The following PSD variants were observed in gnomAD, a reference collection of about 807,000 sequenced individuals.
PSD encodes the protein pleckstrin and Sec7 domain containing, also known as PH and SEC7 domain-containing protein 1.
In PSD, 32 loss-of-function variants were observed where a neutral mutation model predicts 91.6. That is an observed-to-expected ratio of 0.35 (90% CI 0.26 to 0.47). The LOEUF (loss-of-function observed/expected upper bound fraction) is 0.47. Among genes scored for constraint, PSD ranks in the 20% least tolerant of loss-of-function variants. The pLI, the probability that PSD is intolerant of heterozygous loss-of-function variation, is 1.00. For synonymous variants in PSD, 532 were observed against 569.3 expected (o/e 0.93, Z 0.93); for missense variants, 1,099 against 1,373.9 (o/e 0.80, Z 3.16).
rs559509336 is a variant in PSD, at chr10:102,410,793, C to T, written c.2091+65G>A. On this transcript the variant is annotated intron_variant, in intron 10 of 16. Transcript: ENST00000020673. The surrounding 1 kb of genome is among the most constrained non-coding windows in gnomAD (Gnocchi z 6.0). Reference sequence around the variant, plus strand: ...GCCCTGCCCTCCCTCCGACTCTGGACTCCGTCGCCGACTGGGTCCTCCATC... The same window carrying T: ...GCCCTGCCCTCCCTCCGACTCTGGATTCCGTCGCCGACTGGGTCCTCCATC... 3.0e-3 allele frequency: 3,785 copies of T among 1,258,932 alleles called. 45 individuals carry two copies. Among genetic ancestry groups the T allele is most frequent in the South Asian group, 0.021 (1,730 of 83,754 alleles). The allele number at this position is 1,258,932 out of a possible 1,614,324, so 78.0% of individuals were successfully genotyped here. A position where few individuals can be genotyped will look rare whatever the true frequency, so the allele number is the denominator to read the frequency against.
In PSD at chr10:102,403,837, C is replaced by T. The variant is rs201389368; in HGVS notation, c.2844+5G>A. The T allele has an allele frequency of 4.3e-6, 7 of 1,610,342 alleles. No homozygotes were observed. The Admixed American group carries it at 1.2e-4, about 27-fold the overall frequency. On this transcript the variant is annotated splice_donor_5th_base_variant and intron_variant, in intron 16 of 16. Transcript: ENST00000020673. The surrounding 1 kb of genome is among the most constrained non-coding windows in gnomAD (Gnocchi z 6.7). The stretch of plus-strand genomic sequence containing the variant: ...GTGGACAGAGGGGCAGACAGGGAGG[C>T]TCACCTCAAACTCCAGGTAGGCCTC...
intron 7 of PSD, 110 bp downstream of exon 7, chr10:102,412,037 G>T (rs2061430489): frequency 8.1e-7 from 1 of 1,234,294 alleles, no homozygotes; most frequent in Non-Finnish European, 1.2e-6. Flanking sequence ...TCTTGGGAAG[G>T]GTGATGTCAG....
intron 11 of PSD, 125 bp downstream of exon 11, chr10:102,407,098 C>T: frequency 1.3e-6 from 1 of 784,698 alleles, no homozygotes; most frequent in East Asian, 3.3e-5. Context: ...AGCCTCACTG[C>T]CTCTCATGGC....
chr10:102,407,476 G>C (rs1347403541), intron 10 of PSD, among the ~76,000 whole-genome samples: 2 of 152,184 alleles, frequency 1.3e-5, no homozygotes, highest in African/African-American at 4.8e-5. Flanking sequence ...CCATGGAGAG[G>C]AACAAACGTA....
In PSD at chr10:102,416,936, G is replaced by A. The variant is rs760794147; in HGVS notation, c.103C>T (p.Pro35Ser). The A allele has an allele frequency of 3.7e-6, 6 of 1,604,466 alleles. No homozygotes were observed. In the Admixed American group the frequency reaches 8.4e-5, roughly 22 times the overall value. Residue 35 changes from proline (P) to serine (S), a missense_variant, in exon 2 of 17, where the codon CCC (proline) becomes TCC (serine). By Grantham distance (74) the Pro-to-Ser change is moderately conservative. Around this residue, in one of 3 missense-constraint regions of PSD, gnomAD observed 631 missense variants for 728.8 expected, o/e 0.87. Coordinates refer to ENST00000020673, the MANE Select transcript of PSD (RefSeq NM_002779.5). This position sits in a 1 kb window ranked among gnomAD's most constrained non-coding sequence, Gnocchi z 6.0. ...GTGCTGCCATACATGCTGGCTGGGG[G>A]GCTCTGGGGCACCGGGCCTTCGGGG... ...WLPEGPVPQSPPASMYGSTGS... is the reference protein window; with the variant it reads ...WLPEGPVPQSSPASMYGSTGS...
chr10:102,406,508 CTTTTTT>C (rs1192531225), intron 11 of PSD, among the ~76,000 whole-genome samples: 1 of 140,100 alleles, frequency 7.1e-6, no homozygotes, highest in African/African-American at 2.7e-5. Context: ...TTTCTTTTTT[CTTTTTT>C]TTTTTTTTTT....
Position 102,410,891 on chromosome 10 carries a change from A to T in PSD, c.2058T>A (p.Asn686Lys). The T allele has an allele frequency of 1.2e-6, 2 of 1,613,540 alleles. No homozygotes were observed. Among genetic ancestry groups the T allele is most frequent in the Non-Finnish European group, 8.5e-7 (1 of 1,179,762 alleles). The change falls in exon 10 of 17, where the codon AAT becomes AAA. Residue 686 changes from asparagine to lysine, a missense_variant. Coordinates refer to ENST00000020673, the MANE Select transcript of PSD (RefSeq NM_002779.5). This position sits in a 1 kb window ranked among gnomAD's most constrained non-coding sequence, Gnocchi z 6.0. Reference protein sequence around the residue: ...GDFIGNLEGLNDGGDFPRELL... With the variant: ...GDFIGNLEGLKDGGDFPRELL... Reference sequence around the variant, plus strand: ...GCTCCCTAGGGAAGTCGCCGCCATCATTGAGGCCCTCCAGGTTCCCGATGA... The same window carrying T: ...GCTCCCTAGGGAAGTCGCCGCCATCTTTGAGGCCCTCCAGGTTCCCGATGA...
Position 102,405,049 on chromosome 10 carries a change from ACTC to A in PSD, c.2401_2403del (p.Glu801del), listed in dbSNP as rs2061343869. ...TCTGAAAGGGCCTTCCCAGGCTTGTACTCCTCCTGCAGGGGTGTCCATCTTGTC... is the reference window on the plus strand; with the variant it reads ...TCTGAAAGGGCCTTCCCAGGCTTGTACTCCTGCAGGGGTGTCCATCTTGTC... On this transcript the variant is annotated inframe_deletion, in exon 14 of 17. Coordinates refer to ENST00000020673, the MANE Select transcript of PSD (RefSeq NM_002779.5). This position sits in a 1 kb window ranked among gnomAD's most constrained non-coding sequence, Gnocchi z 5.4. The A allele has an allele frequency of 3.1e-6, 5 of 1,613,050 alleles. No individual in the cohort carries two copies. Among genetic ancestry groups the A allele is most frequent in the Admixed American group, 1.7e-5 (1 of 59,940 alleles).
chr10:102,405,879 C>T lies in PSD; in HGVS notation c.2136-343G>A, dbSNP rs572459850. On this transcript the variant is annotated intron_variant, in intron 11 of 16. Transcript: ENST00000020673. The surrounding 1 kb of genome is among the most constrained non-coding windows in gnomAD (Gnocchi z 5.4). ...GGGCCTGCCTCCGCTGGCTCAACCA[C>T]ATCCAGCCCCAGGCTTTGCTCACGG... The T allele has an allele frequency of 2.1e-5, 5 of 238,526 alleles. No individual in the cohort carries two copies. The highest frequency in any genetic ancestry group is 3.3e-5 in the Non-Finnish European group (4 of 122,038). The allele number at this position is 238,526 out of a possible 1,614,324, so 14.8% of individuals were successfully genotyped here.
intron 8 of PSD, 73 bp from the exon 9 acceptor site, chr10:102,411,189 C>T (rs1262774474): frequency 6.9e-7 from 1 of 1,441,418 alleles, no homozygotes; most frequent in Non-Finnish European, 9.4e-7. Flanking sequence ...CCCAACCTCC[C>T]ATTTCATCCC....
chr10:102,406,577 G>A (rs1362053527), intron 11 of PSD, among the ~76,000 whole-genome samples: 5 of 149,336 alleles, frequency 3.3e-5, no homozygotes, highest in East Asian at 2.0e-4. Context: ...GCGGGATCTC[G>A]GCTCACTGCA....
At position 102,412,581 on chromosome 10, in the gene PSD, G is replaced by T; in HGVS notation, c.1554-6C>A. 6.2e-7 allele frequency: 1 copy of T among 1,606,080 alleles called. No homozygotes were observed. The highest frequency in any genetic ancestry group is 8.5e-7 in the Non-Finnish European group (1 of 1,175,056). ...GCTGGCTCAGGGGTGGTTCGCTGCC[G>T]GGGTAGAACACCAGCTCAGGCTGGG... is the stretch of plus-strand genomic sequence containing the variant. On this transcript the variant is annotated splice_region_variant and splice_polypyrimidine_tract_variant and intron_variant, in intron 5 of 16. Transcript: ENST00000020673.
At chr10:102,408,958 G>A in intron 10 of PSD, 1 of 985,742 alleles carries the variant, frequency 1.0e-6, no homozygotes, top group Non-Finnish European at 1.2e-6. Flanking sequence ...GCACGGGCTT[G>A]AGGCTGCGCG....
At chr10:102,412,070 G>A (rs1054973095) in intron 7 of PSD, 77 bp downstream of exon 7, 35 of 1,424,308 alleles carry the variant, frequency 2.5e-5, no homozygotes, top group Non-Finnish European at 3.3e-5. Context: ...GGGACAGAGG[G>A]GCTCAAAGGA....
chr10:102,405,580 G>C lies in PSD; in HGVS notation c.2136-44C>G, dbSNP rs780521383. On this transcript the variant is annotated intron_variant, in intron 11 of 16. Coordinates refer to ENST00000020673, the MANE Select transcript of PSD (RefSeq NM_002779.5). This position sits in a 1 kb window ranked among gnomAD's most constrained non-coding sequence, Gnocchi z 5.4. ...CAGAGGGGGCTGGCCATGGAGCCGC[G>C]GCCCCCGCTTCAGTTCTGGCCTCTG... The C allele has an allele frequency of 6.4e-7, 1 of 1,559,062 alleles. No individual in the cohort carries two copies. Among genetic ancestry groups the C allele is most frequent in the African/African-American group, 1.4e-5 (1 of 73,592 alleles).
Position 102,416,600 on chromosome 10 carries a change from G to A in PSD, c.439C>T (p.Arg147Trp), listed in dbSNP as rs138323313. Reference sequence around the variant, plus strand: ...GTGGATGCTTCCAGCCGTAACTTCCGGTTGGAGCCAGGCCCAAGGGCTGGG... The same window carrying A: ...GTGGATGCTTCCAGCCGTAACTTCCAGTTGGAGCCAGGCCCAAGGGCTGGG... ...PTPALGPGSN[R>W]KLRLEASTSD... is the part of the protein sequence containing the mutation. The change falls in exon 2 of 17, where the codon CGG becomes TGG. Residue 147 changes from arginine (R) to tryptophan (W), a missense_variant. Arg to Trp is a moderately radical substitution (Grantham distance 101). Transcript: ENST00000020673. The surrounding 1 kb of genome is among the most constrained non-coding windows in gnomAD (Gnocchi z 6.0). 43 of 1,594,550 alleles carry A rather than the reference G, an allele frequency of 2.7e-5. No individual in the cohort carries two copies. Among genetic ancestry groups the A allele is most frequent in the African/African-American group, 5.4e-5 (4 of 74,308 alleles).
chr10:102,411,197 C>T (rs1343525426), intron 8 of PSD, 81 bp from the exon 9 acceptor site: 2 of 1,402,898 alleles, frequency 1.4e-6, no homozygotes, highest in South Asian at 2.6e-5. Flanking sequence ...CCCATTTCAT[C>T]CCCACCCCCT....
chr10:102,410,286 A>T lies in PSD; in HGVS notation c.2091+572T>A, dbSNP rs1477122256. On this transcript the variant is annotated intron_variant, in intron 10 of 16. Coordinates refer to ENST00000020673, the MANE Select transcript of PSD (RefSeq NM_002779.5). This position sits in a 1 kb window ranked among gnomAD's most constrained non-coding sequence, Gnocchi z 6.0. ...GTATCTGAGCCCTCGGTTGCGGGCC[A>T]TGGAGCTGGCGCCTGGGAACGGGAC... is the stretch of plus-strand genomic sequence containing the variant. 6.6e-6 allele frequency among the ~76,000 whole-genome samples: 1 copy of T among 152,192 alleles called. No individual in the cohort carries two copies. The highest frequency in any genetic ancestry group is 1.9e-4 in the East Asian group (1 of 5,190).
At chr10:102,413,227 G>T (rs1040127747) in intron 5 of PSD, among the ~76,000 whole-genome samples, 2 of 152,166 alleles carry the variant, frequency 1.3e-5, no homozygotes, top group Non-Finnish European at 2.9e-5. Context: ...TAGGCAACCC[G>T]GTCTCCCTGG....
Sources: gnomAD v4.1 joint callset for allele counts (sites outside exome capture counted in the v4.1 genomes callset) on GRCh38, gnomAD v4.1.1 for gene constraint, gnomAD v4.1.1 regional missense constraint, Gnocchi (gnomAD v3.1) non-coding constraint, MANE v1.5 for transcripts, NCBI Gene and HGNC (gene_info 2026-07-23, HGNC 2026-07-21) for gene names.